The following ROBO2 variants were observed in gnomAD, a reference collection of about 807,000 sequenced individuals.
ROBO2 encodes roundabout homolog 2.
Under a neutral mutation model 160.8 loss-of-function variants are expected in ROBO2, and 53 were observed. The observed-to-expected ratio is 0.33, with a 90% CI of 0.26 to 0.41. The LOEUF (loss-of-function observed/expected upper bound fraction) is 0.41, where lower values mean the gene tolerates loss of function less well. Ranked by LOEUF, ROBO2 falls within the 10% of genes least tolerant of loss-of-function variation. ROBO2 has a pLI of 1.00. For synonymous variants in ROBO2, 664 were observed against 611.7 expected (o/e 1.09, Z -1.26); for missense variants, 1,577 against 1,722.4 (o/e 0.92, Z 1.49).
chr3:76,716,087 A>G (rs1318710587), intron 2 of ROBO2, among the ~76,000 whole-genome samples: 1 of 120,696 alleles, frequency 8.3e-6, no homozygotes, highest in Non-Finnish European at 2.0e-5. Context: ...GTAAGACTTA[A>G]GTTATGAATT....
intron 2 of ROBO2, among the ~76,000 whole-genome samples, chr3:76,098,295 A>G (rs2069535374): frequency 2.6e-5 from 4 of 152,190 alleles, no homozygotes. Context: ...TCTATAGAGA[A>G]CATCATTGGT....
rs192464606 is a variant in ROBO2 at position 76,816,487 on chromosome 3, A to G, written c.110-281527A>G. Reference sequence around the variant, plus strand: ...TAGCAGTGGCCATAATTGCTTTGCTATTGTTTTTAAGTGCAAGGTCATTCT... The same window carrying G: ...TAGCAGTGGCCATAATTGCTTTGCTGTTGTTTTTAAGTGCAAGGTCATTCT... On this transcript the variant is annotated intron_variant, in intron 2 of 26. Transcript: ENST00000487694. Among the ~76,000 whole-genome samples, 19 of 152,128 alleles carry G rather than the reference A, an allele frequency of 1.2e-4. No homozygotes were observed. The East Asian group carries it at 3.5e-3, about 28-fold the overall frequency.
chr3:76,672,165 A>G (rs893838243), intron 2 of ROBO2, among the ~76,000 whole-genome samples: 1 of 152,118 alleles, frequency 6.6e-6, no homozygotes, highest in African/African-American at 2.4e-5. Context: ...CTGCTTTGCC[A>G]TCACTACGCT....
intron 6 of ROBO2, 40 bp from the exon 7 acceptor site, chr3:77,527,363 T>G (rs1330580368): frequency 1.6e-6 from 2 of 1,282,276 alleles, no homozygotes; most frequent in South Asian, 2.5e-5. Context: ...TTTTTTAATT[T>G]CTTTTTTATG....
intron 5 of ROBO2, among the ~76,000 whole-genome samples, chr3:77,496,212 A>T (rs181604241): frequency 6.6e-6 from 1 of 152,340 alleles, no homozygotes; most frequent in East Asian, 1.9e-4. Flanking sequence ...TTTTAAAAAT[A>T]TTAGACAAAT....
Position 77,046,399 on chromosome 3 carries a change from C to T in ROBO2, c.61+5553C>T, listed in dbSNP as rs80024849. Among the ~76,000 whole-genome samples, 87 of 152,242 alleles carry T rather than the reference C, an allele frequency of 5.7e-4. No homozygotes were observed. In the East Asian group the frequency reaches 0.012, roughly 21 times the overall value. ...TCTTCTAAGTCTTCCTCAGTTGCCT[C>T]GTAAAACTTTACAAAGATAGTACCT... On this transcript the variant is annotated intron_variant, in intron 1 of 25. Coordinates refer to ENST00000461745, the Ensembl canonical transcript of ROBO2.
chr3:77,548,552 C>T (rs1379557674), intron 7 of ROBO2, among the ~76,000 whole-genome samples: 1 of 151,944 alleles, frequency 6.6e-6, no homozygotes, highest in Non-Finnish European at 1.5e-5. Context: ...TGTGTATTGG[C>T]CTTGTAGCTT....
At chr3:76,249,539 C>T (rs1023403523) in intron 2 of ROBO2, among the ~76,000 whole-genome samples, 1 of 152,130 alleles carries the variant, frequency 6.6e-6, no homozygotes, top group African/African-American at 2.4e-5. Context: ...TGCAATCTTA[C>T]TTTTCCCAGG....
intron 2 of ROBO2, among the ~76,000 whole-genome samples, chr3:77,274,902 A>G (rs56981390): frequency 0.02 from 3,039 of 152,208 alleles, 77 homozygotes; most frequent in African/African-American, 0.07. Flanking sequence ...CTGATTTAAA[A>G]TTAAAAAACA....
intron 2 of ROBO2, among the ~76,000 whole-genome samples, chr3:76,100,309 T>C (rs1001387415): frequency 1.3e-5 from 2 of 152,226 alleles, no homozygotes. Flanking sequence ...TTTTGCTGTT[T>C]ATAAATAATA....
At chr3:77,165,169 G>T (rs1332058966) in intron 2 of ROBO2, among the ~76,000 whole-genome samples, 1 of 151,402 alleles carries the variant, frequency 6.6e-6, no homozygotes, top group Non-Finnish European at 1.5e-5. Context: ...TGCCGTGTCT[G>T]TGTGGAAAGA....
chr3:77,144,776 T>C (rs2076990376), intron 2 of ROBO2, among the ~76,000 whole-genome samples: 1 of 151,944 alleles, frequency 6.6e-6, no homozygotes, highest in South Asian at 2.1e-4. Context: ...TTTTCATCAA[T>C]TCCAAGATAC....
At chr3:76,605,412 T>C (rs6764222) in intron 2 of ROBO2, among the ~76,000 whole-genome samples, 151,588 of 152,176 alleles carry the variant, frequency 1, 75,505 homozygotes, top group Middle Eastern at 1. Flanking sequence ...TTGGAATCAC[T>C]CACCAAAATC....
At chr3:76,120,303 C>T (rs2070696204) in intron 2 of ROBO2, among the ~76,000 whole-genome samples, 1 of 151,984 alleles carries the variant, frequency 6.6e-6, no homozygotes, top group Non-Finnish European at 1.5e-5. Context: ...CGCCTGGAGG[C>T]TTTTCTTCTT....
intron 2 of ROBO2, among the ~76,000 whole-genome samples, chr3:76,385,030 T>C (rs1040254722): frequency 1.3e-5 from 2 of 152,180 alleles, no homozygotes; most frequent in Non-Finnish European, 2.9e-5. Flanking sequence ...GTCTCCCAGA[T>C]AGGGCCTTGC....
Position 77,538,168 on chromosome 3 carries a change from T to C in ROBO2, c.935-8170T>C, listed in dbSNP as rs1582801056. 3.1e-5 allele frequency among the ~76,000 whole-genome samples: 4 copies of C among 129,928 alleles called. No individual in the cohort carries two copies. In the South Asian group the frequency reaches 1.0e-3, roughly 33 times the overall value. The allele number at this position is 129,928 out of a possible 152,430, so 85.2% of individuals were successfully genotyped here. A position where few individuals can be genotyped will look rare whatever the true frequency, so the allele number is the denominator to read the frequency against. On this transcript the variant is annotated intron_variant, in intron 6 of 25. Coordinates refer to ENST00000461745, the Ensembl canonical transcript of ROBO2. Reference sequence around the variant, plus strand: ...TAGGTAATTTAGCAATTTGATCATTTACTTTTTTTTTTTTTTTTTTTTTTT... The same window carrying C: ...TAGGTAATTTAGCAATTTGATCATTCACTTTTTTTTTTTTTTTTTTTTTTT...
At chr3:76,311,992 A>T (rs975674019) in intron 2 of ROBO2, among the ~76,000 whole-genome samples, 1 of 152,198 alleles carries the variant, frequency 6.6e-6, no homozygotes, top group Admixed American at 6.5e-5. Context: ...TTGAAAAATT[A>T]TCGTGAGATG....
chr3:77,502,753 G>A lies in ROBO2; in HGVS notation c.806+9371G>A, dbSNP rs527471908. Among the ~76,000 whole-genome samples, 26 of 152,250 alleles carry A rather than the reference G, an allele frequency of 1.7e-4. No homozygotes were observed. The South Asian group carries it at 3.7e-3, about 22-fold the overall frequency. ...ATTTAGATTAGATATGATAATCTAC[G>A]ATGATTTAAAGTTGCAGGAGGATGT... is the stretch of plus-strand genomic sequence containing the variant. On this transcript the variant is annotated intron_variant, in intron 5 of 25. Coordinates refer to ENST00000461745, the Ensembl canonical transcript of ROBO2.
At chr3:76,043,859 T>C (rs2067363388) in intron 2 of ROBO2, among the ~76,000 whole-genome samples, 1 of 151,964 alleles carries the variant, frequency 6.6e-6, no homozygotes, top group Admixed American at 6.5e-5. Flanking sequence ...TATGTGAAGA[T>C]TGTCTTCGGA....
Sources: gnomAD v4.1 joint callset for allele counts (sites outside exome capture counted in the v4.1 genomes callset) on GRCh38, gnomAD v4.1.1 for gene constraint, MANE v1.5 for transcripts, NCBI Gene and HGNC (gene_info 2026-07-23, HGNC 2026-07-21) for gene names.